The following PPIE variants were observed in gnomAD, a reference collection of about 807,000 sequenced individuals.
The protein encoded by PPIE is peptidylprolyl isomerase E.
In PPIE, 20 loss-of-function variants were observed where a neutral mutation model predicts 38.4. The observed-to-expected ratio is 0.52, with a 90% CI of 0.37 to 0.76. The LOEUF is 0.76. Ranked by LOEUF, PPIE falls within the 30% of genes least tolerant of loss-of-function variation. PPIE has a pLI of 0.00. For synonymous variants in PPIE, 142 were observed against 135.7 expected, an observed-to-expected ratio of 1.05 and a Z score of -0.32; for missense variants, 322 against 385.8, an observed-to-expected ratio of 0.83 and a Z score of 1.39.
chr1:39,761,612 C>T (rs537689639), downstream of PPIE, among the ~76,000 whole-genome samples: 14 of 152,254 alleles, frequency 9.2e-5, no homozygotes, highest in South Asian at 2.1e-4. Context: ...CACCTCCCTC[C>T]GCCCTCCTCC....
Position 39,763,199 on chromosome 1 carries a change from A to C in PPIE, c.838-490A>C, listed in dbSNP as rs1649259804. The C allele has an allele frequency of 3.1e-6, 5 of 1,611,372 alleles. No individual in the cohort carries two copies. In the Middle Eastern group the frequency reaches 5.4e-4, roughly 172 times the overall value. On this transcript the variant is annotated intron_variant, in intron 9 of 9. Coordinates refer to the PPIE transcript ENST00000356511. The stretch of plus-strand genomic sequence containing the variant: ...GAGTAGCCTTGGGGAGCGATGACCC[A>C]GTCCTGGGGGGCAAGGGAGAAGGTG...
At chr1:39,752,768 A>G in intron 8 of PPIE, 142 bp from the exon 9 acceptor site, 1 of 863,526 alleles carries the variant, frequency 1.2e-6, no homozygotes, top group South Asian at 1.8e-5. Context: ...TGAATCCAAG[A>G]TAAGGTGGCC....
chr1:39,758,824 G>A (rs1648565625), downstream of PPIE: 1 of 152,200 alleles, frequency 6.6e-6, no homozygotes, highest in African/African-American at 2.4e-5. Flanking sequence ...CTTCCTCTGC[G>A]CTTGCACATG....
In PPIE at chr1:39,754,236, A is replaced by T. The variant is rs926516831; in HGVS notation, c.*881A>T. The T allele has an allele frequency of 1.2e-5, 3 of 252,128 alleles. No individual in the cohort carries two copies. Among genetic ancestry groups the T allele is most frequent in the African/African-American group, 6.9e-5 (3 of 43,220 alleles). 15.6% of individuals were successfully genotyped at this position (252,128 alleles called of 1,614,324 possible). On this transcript the variant is annotated 3_prime_UTR_variant, in exon 10 of 10. Coordinates refer to ENST00000324379, the MANE Select transcript of PPIE (RefSeq NM_006112.4). ...GGCAGAGGTGCGTAAGGGGCTATAGACACAATACAGGCTATGGTCCCTGTA... is the reference window on the plus strand; with the variant it reads ...GGCAGAGGTGCGTAAGGGGCTATAGTCACAATACAGGCTATGGTCCCTGTA...
downstream of PPIE, among the ~76,000 whole-genome samples, chr1:39,761,722 T>C (rs1489599752): frequency 2.0e-5 from 3 of 152,104 alleles, no homozygotes; most frequent in Non-Finnish European, 4.4e-5. Flanking sequence ...GGAACATTCC[T>C]CCTCCAGCTG....
downstream of PPIE, chr1:39,760,363 C>T (rs1569757018): frequency 6.2e-7 from 1 of 1,604,900 alleles, no homozygotes; most frequent in East Asian, 2.2e-5. Context: ...TTTCCTGCTT[C>T]TGAGGGGCCC....
rs1336953896 is a variant in PPIE, at chr1:39,756,209, G to A, written c.*2854G>A. 2.0e-6 allele frequency: 2 copies of A among 985,346 alleles called. No individual in the cohort carries two copies. Among genetic ancestry groups the A allele is most frequent in the Admixed American group, 6.1e-5 (1 of 16,264 alleles). The allele number at this position is 985,346 out of a possible 1,614,324, so 61.0% of individuals were successfully genotyped here. A position where few individuals can be genotyped will look rare whatever the true frequency, so the allele number is the denominator to read the frequency against. On this transcript the variant is annotated 3_prime_UTR_variant, in exon 10 of 10. Coordinates refer to ENST00000324379, the MANE Select transcript of PPIE (RefSeq NM_006112.4). ...ACCTCTCTGGGAAGTGGAGCCAGTG[G>A]CTCTGTGGGCGTCCTTTCCTGCAGC...
Position 39,738,907 on chromosome 1 carries a change from AC to A in PPIE, c.9del (p.Thr4ProfsTer64). On this transcript the variant is annotated frameshift_variant, in exon 1 of 10. Transcript: ENST00000324379. LOFTEE classifies it high-confidence loss of function. ...GGAAAAGCGCGCGAGCAAGATGGCC[AC>A]CACCAAGCGCGTCTTGTACGTGGGT... Reference protein sequence around the residue: MATTKRVLYVGGL... With the variant: MAXTKRVLYVGGL... 1 of 1,508,192 alleles carries A rather than the reference AC, an allele frequency of 6.6e-7. No homozygotes were observed. The highest frequency in any genetic ancestry group is 8.8e-7 in the Non-Finnish European group (1 of 1,130,254). The allele number at this position is 1,508,192 out of a possible 1,614,324, so 93.4% of individuals were successfully genotyped here.
Position 39,755,276 on chromosome 1 carries a change from A to T in PPIE, c.*1921A>T. ...TGCATCTTGGATTGAGATCTGGATG[A>T]GCCAGGAGGCAGGAGAGGCTAGGTG... is the stretch of plus-strand genomic sequence containing the variant. On this transcript the variant is annotated 3_prime_UTR_variant, in exon 10 of 10. Coordinates refer to ENST00000324379, the MANE Select transcript of PPIE (RefSeq NM_006112.4). The T allele has an allele frequency of 1.0e-6, 1 of 985,474 alleles. No homozygotes were observed. Among genetic ancestry groups the T allele is most frequent in the Non-Finnish European group, 1.2e-6 (1 of 829,938 alleles). 61.0% of individuals were successfully genotyped at this position (985,474 alleles called of 1,614,324 possible). A position where few individuals can be genotyped will look rare whatever the true frequency, so the allele number is the denominator to read the frequency against.
intron 2 of PPIE, among the ~76,000 whole-genome samples, chr1:39,740,969 G>C (rs994821428): frequency 6.6e-6 from 1 of 152,176 alleles, no homozygotes; most frequent in East Asian, 1.9e-4. Flanking sequence ...TAAAGACTGA[G>C]CATCTTTATC....
downstream of PPIE, chr1:39,760,103 A>G: frequency 2.5e-6 from 1 of 397,456 alleles, no homozygotes; most frequent in Non-Finnish European, 4.7e-6. Flanking sequence ...CATGGATAGG[A>G]CCTCAGACAG....
intron 1 of PPIE, among the ~76,000 whole-genome samples, chr1:39,739,722 C>A (rs892674282): frequency 1.1e-4 from 16 of 152,046 alleles, no homozygotes; most frequent in African/African-American, 3.6e-4. Context: ...CACTTGGGGG[C>A]AAGTGGGTCA....
chr1:39,761,744 C>T (rs1649013219), downstream of PPIE, among the ~76,000 whole-genome samples: 1 of 152,172 alleles, frequency 6.6e-6, no homozygotes, highest in South Asian at 2.1e-4. Flanking sequence ...TGACTGGCCC[C>T]CTCCTTCTGT....
At chr1:39,751,119 G>A (rs942953853) in intron 8 of PPIE, among the ~76,000 whole-genome samples, 4 of 152,236 alleles carry the variant, frequency 2.6e-5, no homozygotes, top group African/African-American at 4.8e-5. Context: ...ACCACTAGGA[G>A]TGATGCTATT....
chr1:39,744,067 C>G (rs1569650360), intron 6 of PPIE, 143 bp downstream of exon 6: 1 of 588,500 alleles, frequency 1.7e-6, no homozygotes. Context: ...TTGGTAAAGT[C>G]AATATTGAGT....
chr1:39,742,490 C>CTTTTTTTTTTTT (rs5773671), intron 4 of PPIE: 3 of 107,292 alleles, frequency 2.8e-5, no homozygotes, highest in Admixed American at 9.5e-5. Flanking sequence ...TTCTTTCTTT[C>CTTTTTTTTTTTT]TTTTTTTTTT....
At chr1:39,762,944 G>A (rs1649205364) in intron 9 of PPIE, 2 of 1,027,042 alleles carry the variant, frequency 1.9e-6, no homozygotes, top group Non-Finnish European at 2.9e-6. Context: ...CAGAGCTGTG[G>A]GAAGTTAGCG....
At position 39,755,619 on chromosome 1, in the gene PPIE, G is replaced by T. The variant is rs1324020270; in HGVS notation, c.*2264G>T. ...GCTTGGACGAGAACCAGGAGAGAGT[G>T]TGTAGAAAAAGCACAGCCAGCCTCC... On this transcript the variant is annotated 3_prime_UTR_variant, in exon 10 of 10. Transcript: ENST00000324379. 2.0e-6 allele frequency: 2 copies of T among 985,306 alleles called. No individual in the cohort carries two copies. Among genetic ancestry groups the T allele is most frequent in the Non-Finnish European group, 1.2e-6 (1 of 829,944 alleles). 61.0% of individuals were successfully genotyped at this position (985,306 alleles called of 1,614,324 possible).
chr1:39,761,430 A>T (rs1283419335), downstream of PPIE: 1 of 79,686 alleles, frequency 1.3e-5, no homozygotes, highest in African/African-American at 5.0e-5. Flanking sequence ...CACCACCCCC[A>T]CCCCCAATCC....
Sources: allele counts gnomAD v4.1 joint callset (sites outside exome capture counted in the v4.1 genomes callset), GRCh38; gene constraint gnomAD v4.1.1; transcripts MANE v1.5; gene names NCBI Gene and HGNC (gene_info 2026-07-23, HGNC 2026-07-21).